DLG2: variants seen among roughly 807,000 people sequenced by gnomAD.
DLG2 encodes the protein discs large MAGUK scaffold protein 2, also known as disks large homolog 2.
A neutral mutation model predicts 132.5 loss-of-function variants in DLG2; 45 were observed. The ratio of observed to expected loss-of-function variants is 0.34; its 90% CI spans 0.27 to 0.44. DLG2 has a LOEUF of 0.44. Ranked by LOEUF, DLG2 falls within the 20% of genes least tolerant of loss-of-function variation. The pLI, the probability that DLG2 is intolerant of heterozygous loss-of-function variation, is 1.00. For synonymous variants in DLG2, 424 were observed against 419.6 expected (o/e 1.01, Z -0.13); for missense variants, 1,045 against 1,196.9 (o/e 0.87, Z 1.87).
rs2041251026 is a variant in DLG2, at chr11:83,790,539, T to C, written c.1723-3747A>G. 3.1e-6 allele frequency: 4 copies of C among 1,279,622 alleles called. No individual in the cohort carries two copies. The South Asian group carries it at 4.9e-5, about 16-fold the overall frequency. The allele number at this position is 1,279,622 out of a possible 1,614,324, so 79.3% of individuals were successfully genotyped here. ...TGCAACACCAGGAGCAGAGTTAAAA[T>C]CAAAATTCAAATGACAGAGCATACT... is the stretch of plus-strand genomic sequence containing the variant. On this transcript the variant is annotated intron_variant, in intron 17 of 27. Coordinates refer to ENST00000376104, the MANE Select transcript of DLG2 (RefSeq NM_001142699.3).
chr11:84,827,663 G>C (rs1008057414), intron 6 of DLG2, among the ~76,000 whole-genome samples: 5 of 64,926 alleles, frequency 7.7e-5, no homozygotes, highest in Non-Finnish European at 8.2e-5. Context: ...GGCTGGAACT[G>C]AGTACATACA....
intron 19 of DLG2, among the ~76,000 whole-genome samples, chr11:83,543,040 A>G (rs2096126308): frequency 6.6e-6 from 1 of 152,168 alleles, no homozygotes; most frequent in Non-Finnish European, 1.5e-5. Flanking sequence ...GAAATGTCAC[A>G]TCTGCTGCCA....
chr11:84,042,965 G>T (rs1201250833), intron 11 of DLG2, among the ~76,000 whole-genome samples: 2 of 151,658 alleles, frequency 1.3e-5, no homozygotes, highest in Non-Finnish European at 2.9e-5. Context: ...AAGATATTTT[G>T]GGGTATTGTA....
At chr11:85,009,872 C>T (rs1262778342) in intron 6 of DLG2, among the ~76,000 whole-genome samples, 4 of 152,132 alleles carry the variant, frequency 2.6e-5, no homozygotes, top group Middle Eastern at 6.8e-3. Flanking sequence ...TTCCTTAGGG[C>T]CACATAAAAA....
intron 16 of DLG2, among the ~76,000 whole-genome samples, chr11:83,857,988 C>A (rs183882701): frequency 6.6e-5 from 10 of 152,262 alleles, no homozygotes; most frequent in Admixed American, 6.5e-4. Context: ...TAAAAGACAT[C>A]TAAATCTCAG....
At chr11:83,767,098 G>T (rs1330224663) in intron 18 of DLG2, among the ~76,000 whole-genome samples, 1 of 152,156 alleles carries the variant, frequency 6.6e-6, no homozygotes, top group Non-Finnish European at 1.5e-5. Context: ...CTCATCTCAA[G>T]ATCCTTAATT....
chr11:84,023,786 T>C (rs1215131840), intron 11 of DLG2, among the ~76,000 whole-genome samples: 3 of 152,102 alleles, frequency 2.0e-5, no homozygotes, highest in African/African-American at 7.2e-5. Context: ...CCAGAAAATA[T>C]CTCAGACAGC....
At chr11:84,180,927 C>T (rs374619134) in intron 8 of DLG2, among the ~76,000 whole-genome samples, 3 of 151,268 alleles carry the variant, frequency 2.0e-5, no homozygotes, top group Non-Finnish European at 4.4e-5. Context: ...GTAAGTACTT[C>T]GGAGAGAAGA....
chr11:83,795,407 AAG>A (rs1383464682), intron 17 of DLG2, among the ~76,000 whole-genome samples: 18 of 112,780 alleles, frequency 1.6e-4, no homozygotes, highest in South Asian at 6.2e-4. Context: ...GACTCTTTAT[AAG>A]AAAAAAAATA....
chr11:84,502,202 C>CTCTCTCTCTCT lies in DLG2; in HGVS notation c.519+32367_519+32368insAGAGAGAGAGA, dbSNP rs56962951. 4.4e-4 allele frequency among the ~76,000 whole-genome samples: 11 copies of CTCTCTCTCTCT among 24,946 alleles called. 3 individuals are homozygous for CTCTCTCTCTCT. The highest frequency in any genetic ancestry group is 9.7e-4 in the East Asian group (1 of 1,028). 16.4% of individuals were successfully genotyped at this position (24,946 alleles called of 152,430 possible). A position where few individuals can be genotyped will look rare whatever the true frequency, so the allele number is the denominator to read the frequency against. On this transcript the variant is annotated intron_variant, in intron 7 of 27. Transcript: ENST00000376104. Reference sequence around the variant, plus strand: ...TCTCTCTCTTTCTCTCTCTCTCTCTCCTTCCTTCCTTCCTTCCTTCCTTCC... The same window carrying CTCTCTCTCTCT: ...TCTCTCTCTTTCTCTCTCTCTCTCTCTCTCTCTCTCTCTTCCTTCCTTCCTTCCTTCCTTCC...
intron 18 of DLG2, among the ~76,000 whole-genome samples, chr11:83,702,578 A>C (rs672079): frequency 6.6e-6 from 1 of 152,166 alleles, no homozygotes; most frequent in East Asian, 1.9e-4. Flanking sequence ...GGTTTGTTTG[A>C]AGGCAGAGGA....
At chr11:85,115,799 T>C (rs2073485678) in intron 5 of DLG2, among the ~76,000 whole-genome samples, 1 of 151,960 alleles carries the variant, frequency 6.6e-6, no homozygotes, top group African/African-American at 2.4e-5. Context: ...AAGAAACTCC[T>C]CAATTCTGGA....
intron 6 of DLG2, among the ~76,000 whole-genome samples, chr11:84,591,221 C>CTGTGTGTGTG (rs777029147): frequency 0.014 from 346 of 25,470 alleles, 3 homozygotes; most frequent in East Asian, 0.097. Context: ...ATATGTGTCT[C>CTGTGTGTGTG]TCTGTGTGTG....
intron 21 of DLG2, among the ~76,000 whole-genome samples, chr11:83,491,178 A>G (rs1259043703): frequency 2.0e-5 from 3 of 150,722 alleles, no homozygotes; most frequent in Non-Finnish European, 3.0e-5. Flanking sequence ...TTCAAATCTA[A>G]CACCAGGAAT....
intron 18 of DLG2, among the ~76,000 whole-genome samples, chr11:83,692,441 C>T (rs1206712877): frequency 6.6e-6 from 1 of 151,954 alleles, no homozygotes. Flanking sequence ...TAGGCAAATC[C>T]ATATAGATGG....
At chr11:85,013,162 T>C (rs761914738) in intron 6 of DLG2, among the ~76,000 whole-genome samples, 10 of 152,228 alleles carry the variant, frequency 6.6e-5, no homozygotes, top group Admixed American at 2.6e-4. Context: ...ATGCAGAGTC[T>C]ATGAATCCTT....
At chr11:83,679,018 T>C (rs2078264358) in intron 18 of DLG2, among the ~76,000 whole-genome samples, 1 of 152,092 alleles carries the variant, frequency 6.6e-6, no homozygotes, top group Non-Finnish European at 1.5e-5. Flanking sequence ...AAAGCAGATA[T>C]GGGGCCAAGA....
At chr11:83,814,252 T>C (rs955471393) in intron 17 of DLG2, among the ~76,000 whole-genome samples, 2 of 152,192 alleles carry the variant, frequency 1.3e-5, no homozygotes, top group African/African-American at 4.8e-5. Flanking sequence ...ATGCAATCGC[T>C]TAGGAATTGT....
intron 9 of DLG2, among the ~76,000 whole-genome samples, chr11:84,140,326 A>C (rs1296971928): frequency 1.3e-5 from 2 of 152,148 alleles, no homozygotes; most frequent in East Asian, 1.9e-4. Flanking sequence ...TGAATATCTA[A>C]GAAATAATTT....
Sources: allele counts gnomAD v4.1 joint callset (sites outside exome capture counted in the v4.1 genomes callset), GRCh38; gene constraint gnomAD v4.1.1; transcripts MANE v1.5; gene names NCBI Gene and HGNC (gene_info 2026-07-23, HGNC 2026-07-21).